NRG3: variants seen among roughly 807,000 people sequenced by gnomAD.
NRG3 encodes pro-neuregulin-3, membrane-bound isoform.
A neutral mutation model predicts 66.9 loss-of-function variants in NRG3; 31 were observed. The ratio of observed to expected loss-of-function variants is 0.46; its 90% CI spans 0.35 to 0.63. The LOEUF (loss-of-function observed/expected upper bound fraction) is 0.63. Among genes scored for constraint, NRG3 ranks in the 20% least tolerant of loss-of-function variants. The pLI, the probability that NRG3 is intolerant of heterozygous loss-of-function variation, is 0.00. For missense variants in NRG3, 910 were observed against 878.9 expected (o/e 1.04, Z -0.45); for synonymous variants, 393 against 359.4 (o/e 1.09, Z -1.06).
chr10:81,878,651 T>C (rs1841902158), intron 1 of NRG3, among the ~76,000 whole-genome samples: 1 of 152,196 alleles, frequency 6.6e-6, no homozygotes, highest in South Asian at 2.1e-4. Context: ...AATTTTCTTT[T>C]CCCCAGCTCC....
At chr10:82,203,514 C>G (rs2074956495) in intron 1 of NRG3, among the ~76,000 whole-genome samples, 1 of 152,128 alleles carries the variant, frequency 6.6e-6, no homozygotes, top group African/African-American at 2.4e-5. Context: ...AGTAGCATTG[C>G]TTTTTCTGGT....
At chr10:82,579,591 A>T (rs148283237) in intron 2 of NRG3, among the ~76,000 whole-genome samples, 2 of 151,902 alleles carry the variant, frequency 1.3e-5, no homozygotes, top group East Asian at 3.9e-4. Context: ...CATGCCTGTG[A>T]GTGTGTGTGT....
At chr10:82,322,199 G>T (rs1003166300) in intron 1 of NRG3, among the ~76,000 whole-genome samples, 1 of 152,208 alleles carries the variant, frequency 6.6e-6, no homozygotes, top group African/African-American at 2.4e-5. Context: ...TTGTGAAAAT[G>T]AGAAGATGTA....
intron 1 of NRG3, among the ~76,000 whole-genome samples, chr10:81,989,975 A>C (rs1398592068): frequency 6.6e-6 from 1 of 152,148 alleles, no homozygotes; most frequent in African/African-American, 2.4e-5. Flanking sequence ...TCAGGGGGCA[A>C]ATTTTTTACA....
At chr10:82,479,606 G>T (rs1041301569) in intron 2 of NRG3, among the ~76,000 whole-genome samples, 1 of 149,098 alleles carries the variant, frequency 6.7e-6, no homozygotes, top group African/African-American at 2.5e-5. Flanking sequence ...AGAGGTTGCG[G>T]TGAGCCGAGG....
chr10:82,985,304 G>A lies in NRG3; in HGVS notation c.1790G>A (p.Ser597Asn). 6.2e-7 allele frequency: 1 copy of A among 1,614,134 alleles called. No individual in the cohort carries two copies. Among genetic ancestry groups the A allele is most frequent in the South Asian group, 1.1e-5 (1 of 91,088 alleles). ...LQMPGISEVKSIKWCKNSYSA... is the reference protein window; with the variant it reads ...LQMPGISEVKNIKWCKNSYSA... ...ATGCCAGGGATTTCTGAAGTCAAAA[G>A]CATCAAATGGTGCAAAAACTCCTAT... Residue 597 changes from serine (S) to asparagine (N), a missense_variant, in exon 9 of 9, where the codon AGC becomes AAC. Physicochemically the swap from Ser to Asn is conservative, Grantham distance 46 (BLOSUM62 1). Coordinates refer to ENST00000372141, the MANE Select transcript of NRG3 (RefSeq NM_001010848.4).
Position 82,311,960 on chromosome 10 carries a change from A to C in NRG3, c.824-46779A>C, listed in dbSNP as rs144891148. 7.1e-3 allele frequency among the ~76,000 whole-genome samples: 1,088 copies of C among 152,272 alleles called. 10 individuals are homozygous for C. Among genetic ancestry groups the C allele is most frequent in the Middle Eastern group, 0.051 (15 of 294 alleles). ...CATTCTGGCTCTATTACTTTGAACA[A>C]ATTATTCAACCTCTCTGCCAACTCG... On this transcript the variant is annotated intron_variant, in intron 1 of 8. Coordinates refer to ENST00000372141, the MANE Select transcript of NRG3 (RefSeq NM_001010848.4).
rs777744635 is a variant in NRG3 at position 82,243,257 on chromosome 10, C to A, written c.824-115482C>A. 2.2e-4 allele frequency among the ~76,000 whole-genome samples: 33 copies of A among 151,940 alleles called. 1 individual carries two copies. The highest frequency in any genetic ancestry group is 1.3e-4 in the Admixed American group (2 of 15,252). On this transcript the variant is annotated intron_variant, in intron 1 of 8. Coordinates refer to ENST00000372141, the MANE Select transcript of NRG3 (RefSeq NM_001010848.4). ...AGCCTTCTAGTAAATATGCAAAAAT[C>A]AAAATATGCAAAAAATCAGTCTTCT...
chr10:82,091,226 A>G (rs536103241), intron 1 of NRG3, among the ~76,000 whole-genome samples: 38 of 152,268 alleles, frequency 2.5e-4, no homozygotes, highest in African/African-American at 8.4e-4. Flanking sequence ...TACATTCACA[A>G]TGTCGCGTAA....
intron 1 of NRG3, among the ~76,000 whole-genome samples, chr10:82,240,127 A>T (rs1037052454): frequency 6.6e-6 from 1 of 152,160 alleles, no homozygotes. Context: ...GTTGGAACTG[A>T]CATGACATAG....
intron 2 of NRG3, among the ~76,000 whole-genome samples, chr10:82,535,195 C>T (rs1005083991): frequency 2.0e-5 from 3 of 147,528 alleles, no homozygotes; most frequent in South Asian, 2.2e-4. Flanking sequence ...CTTAGCCATA[C>T]GAGATACAGT....
chr10:82,083,072 C>T (rs1477576885), intron 1 of NRG3, among the ~76,000 whole-genome samples: 2 of 151,780 alleles, frequency 1.3e-5, no homozygotes, highest in Non-Finnish European at 2.9e-5. Flanking sequence ...TCCCAAAGTA[C>T]TGGGATTACG....
chr10:82,335,777 G>A (rs2082354734), intron 1 of NRG3, among the ~76,000 whole-genome samples: 1 of 152,126 alleles, frequency 6.6e-6, no homozygotes, highest in South Asian at 2.1e-4. Context: ...GTTAATTTGT[G>A]GTTAGACATC....
intron 2 of NRG3, among the ~76,000 whole-genome samples, chr10:82,705,236 A>G (rs1232146405): frequency 6.6e-6 from 1 of 152,218 alleles, no homozygotes; most frequent in Non-Finnish European, 1.5e-5. Context: ...TGTCAGCGAC[A>G]CACAAATCAC....
intron 2 of NRG3, among the ~76,000 whole-genome samples, chr10:82,627,911 G>A (rs1333494662): frequency 1.3e-5 from 2 of 152,162 alleles, no homozygotes; most frequent in Non-Finnish European, 2.9e-5. Flanking sequence ...CCAGTTCTAG[G>A]CAGTACAATC....
rs890349109 is a variant in NRG3 at position 81,875,268 on chromosome 10, C to T, written c.-73C>T. On this transcript the variant is annotated 5_prime_UTR_variant, in exon 1 of 9. Transcript: ENST00000372141. This position sits in a 1 kb window ranked among gnomAD's most constrained non-coding sequence, Gnocchi z 5.3. ...CGCCGCCGGAGCCCGCGCCCGCGCC[C>T]GCGCCCGGCCCGCGCGGCCCCATGC... 65 of 961,226 alleles carry T rather than the reference C, an allele frequency of 6.8e-5. No individual in the cohort carries two copies. In the African/African-American group the frequency reaches 1.1e-3, roughly 17 times the overall value. 59.5% of individuals were successfully genotyped at this position (961,226 alleles called of 1,614,324 possible).
intron 2 of NRG3, among the ~76,000 whole-genome samples, chr10:82,433,895 T>C (rs1472706271): frequency 6.6e-6 from 1 of 152,144 alleles, no homozygotes; most frequent in Non-Finnish European, 1.5e-5. Flanking sequence ...TGCCTCCAGG[T>C]TTGTTCTTTT....
intron 3 of NRG3, among the ~76,000 whole-genome samples, chr10:82,837,685 T>C (rs1268428271): frequency 6.6e-6 from 1 of 152,152 alleles, no homozygotes; most frequent in Non-Finnish European, 1.5e-5. Flanking sequence ...TAGACAATCT[T>C]TGCAGTGTGT....
intron 5 of NRG3, chr10:82,955,166 C>G (rs1218635178): frequency 6.6e-6 from 1 of 151,784 alleles, no homozygotes; most frequent in Non-Finnish European, 1.5e-5. Context: ...CCCTCGTCAC[C>G]TTTGGCATGG....
Sources: gnomAD v4.1 joint callset for allele counts (sites outside exome capture counted in the v4.1 genomes callset) on GRCh38, gnomAD v4.1.1 for gene constraint, Gnocchi (gnomAD v3.1) non-coding constraint, MANE v1.5 for transcripts, NCBI Gene and HGNC (gene_info 2026-07-23, HGNC 2026-07-21) for gene names.